Variants in IQCM observed in about 807,000 individuals in gnomAD.
The protein encoded by IQCM is IQ motif containing M, also known as IQ domain-containing protein M.
IQCM carries 45 observed loss-of-function variants against 57.6 expected under a neutral mutation model. The ratio of observed to expected loss-of-function variants is 0.78; its 90% CI spans 0.62 to 1.00. The LOEUF is 1.00. Ranked by LOEUF, IQCM falls within the 50% of genes least tolerant of loss-of-function variation. The pLI, the probability that IQCM is intolerant of heterozygous loss-of-function variation, is 0.00. For missense variants in IQCM, 468 were observed against 511.6 expected (o/e 0.91, Z 0.82); for synonymous variants, 148 against 158.9 (o/e 0.93, Z 0.51).
At chr4:149,377,785 T>C (rs563540025) in intron 13 of IQCM, among the ~76,000 whole-genome samples, 2 of 152,192 alleles carry the variant, frequency 1.3e-5, no homozygotes, top group East Asian at 3.9e-4. Flanking sequence ...AAATCAGCCA[T>C]ATTGGGAGTA....
intron 13 of IQCM, among the ~76,000 whole-genome samples, chr4:149,374,749 G>A (rs1654200679): frequency 6.6e-6 from 1 of 152,080 alleles, no homozygotes; most frequent in Non-Finnish European, 1.5e-5. Flanking sequence ...CCCAACTCCT[G>A]CCAACCTTGA....
intron 7 of IQCM, among the ~76,000 whole-genome samples, chr4:149,664,840 G>A (rs746416053): frequency 9.9e-5 from 15 of 152,126 alleles, no homozygotes; most frequent in Non-Finnish European, 2.1e-4. Context: ...CACTGTTCTG[G>A]TTTTCAAGCT....
intron 12 of IQCM, among the ~76,000 whole-genome samples, chr4:149,522,880 T>C (rs1745796592): frequency 6.6e-6 from 1 of 152,182 alleles, no homozygotes; most frequent in Admixed American, 6.6e-5. Flanking sequence ...CCTGGTAAAA[T>C]TCCTGAACCC....
intron 12 of IQCM, among the ~76,000 whole-genome samples, chr4:149,514,210 G>C (rs1007821798): frequency 1.3e-5 from 2 of 152,184 alleles, no homozygotes; most frequent in African/African-American, 4.8e-5. Context: ...GCTAGGGTTA[G>C]AGTCAGGAAT....
intron 12 of IQCM, among the ~76,000 whole-genome samples, chr4:149,508,299 G>C (rs1051016793): frequency 1.3e-5 from 2 of 152,004 alleles, no homozygotes; most frequent in South Asian, 2.1e-4. Context: ...CAGAATGGTA[G>C]ATCAACTGAT....
chr4:149,805,811 G>A (rs759369392), intron 2 of IQCM, among the ~76,000 whole-genome samples: 26 of 151,980 alleles, frequency 1.7e-4, no homozygotes, highest in Non-Finnish European at 3.1e-4. Context: ...TTCTTGGACT[G>A]AAATTAAAGC....
At chr4:149,468,621 G>C (rs535616259) in intron 12 of IQCM, among the ~76,000 whole-genome samples, 246 of 152,284 alleles carry the variant, frequency 1.6e-3, no homozygotes, top group African/African-American at 5.7e-3. Flanking sequence ...GCTTTGAAGA[G>C]AGTAGTGGTT....
chr4:149,688,299 C>T (rs1435361766), intron 5 of IQCM, among the ~76,000 whole-genome samples: 3 of 151,966 alleles, frequency 2.0e-5, no homozygotes, highest in African/African-American at 4.8e-5. Context: ...CTCTTCCATA[C>T]ACCAACAGTG....
At chr4:149,573,137 A>G (rs949264401) in intron 9 of IQCM, among the ~76,000 whole-genome samples, 5 of 151,802 alleles carry the variant, frequency 3.3e-5, no homozygotes, top group Admixed American at 6.6e-5. Context: ...AAGATTATGT[A>G]ATAATTTGAG....
rs565475866 is a variant in IQCM at position 149,790,830 on chromosome 4, AT to A, written c.-49+24480del. Among the ~76,000 whole-genome samples the A allele has an allele frequency of 3.2e-3, 472 of 149,370 alleles. 5 individuals carry two copies. Among genetic ancestry groups the A allele is most frequent in the African/African-American group, 9.2e-3 (375 of 40,816 alleles). On this transcript the variant is annotated intron_variant, in intron 2 of 13. Coordinates refer to ENST00000636793, the MANE Select transcript of IQCM (RefSeq NM_001363507.2). Reference sequence around the variant, plus strand: ...TGGGGTTTCAGAATGGGTTTATATGATTTTTTTTTTGGTACTTTTATTTATT... The same window carrying A: ...TGGGGTTTCAGAATGGGTTTATATGATTTTTTTTTGGTACTTTTATTTATT...
chr4:149,743,439 G>A (rs986417845), intron 2 of IQCM, among the ~76,000 whole-genome samples: 1 of 152,072 alleles, frequency 6.6e-6, no homozygotes, highest in African/African-American at 2.4e-5. Context: ...TAAAAACACA[G>A]AGTGATCGAT....
At chr4:149,575,638 G>T (rs1189275169) in intron 9 of IQCM, among the ~76,000 whole-genome samples, 2 of 151,678 alleles carry the variant, frequency 1.3e-5, no homozygotes, top group Non-Finnish European at 2.9e-5. Flanking sequence ...TCCTATTTTT[G>T]ACTGTTTCTA....
At chr4:149,634,615 A>C (rs570654253) in intron 7 of IQCM, among the ~76,000 whole-genome samples, 15 of 152,216 alleles carry the variant, frequency 9.9e-5, no homozygotes, top group Non-Finnish European at 1.8e-4. Context: ...TGACATTTTC[A>C]CTTTCATTCT....
chr4:149,386,336 A>G (rs1731424265), intron 13 of IQCM, among the ~76,000 whole-genome samples: 1 of 152,064 alleles, frequency 6.6e-6, no homozygotes, highest in Non-Finnish European at 1.5e-5. Flanking sequence ...ATTATTTTTC[A>G]AACACAAAGT....
At chr4:149,590,163 T>A (rs1026256825) in intron 8 of IQCM, among the ~76,000 whole-genome samples, 1 of 151,774 alleles carries the variant, frequency 6.6e-6, no homozygotes, top group African/African-American at 2.4e-5. Flanking sequence ...TTCTATTTTC[T>A]CTCTTCCAAC....
chr4:149,803,285 ATATAT>A (rs1351249908), intron 2 of IQCM, among the ~76,000 whole-genome samples: 1 of 152,006 alleles, frequency 6.6e-6, no homozygotes, highest in Non-Finnish European at 1.5e-5. Flanking sequence ...TTCCCATGTA[ATATAT>A]TATATAATGG....
chr4:149,532,027 A>G (rs185348124), intron 12 of IQCM, among the ~76,000 whole-genome samples: 2 of 152,160 alleles, frequency 1.3e-5, no homozygotes, highest in Non-Finnish European at 2.9e-5. Flanking sequence ...CTATCACCTC[A>G]TGTATCTGAA....
chr4:149,626,066 T>G lies in IQCM; in HGVS notation c.566-4822A>C, dbSNP rs183983832. Reference sequence around the variant, plus strand: ...GGATACAAAGTATTGATGCTGGGTGTGTCTGTGAGGGTGTTGCCAAAAGAG... The same window carrying G: ...GGATACAAAGTATTGATGCTGGGTGGGTCTGTGAGGGTGTTGCCAAAAGAG... On this transcript the variant is annotated intron_variant, in intron 7 of 13. Coordinates refer to ENST00000636793, the MANE Select transcript of IQCM (RefSeq NM_001363507.2). 3.3e-3 allele frequency among the ~76,000 whole-genome samples: 509 copies of G among 152,178 alleles called. 3 individuals carry two copies. Among genetic ancestry groups the G allele is most frequent in the African/African-American group, 0.012 (480 of 41,514 alleles).
At chr4:149,577,947 T>C (rs1001273322) in intron 9 of IQCM, among the ~76,000 whole-genome samples, 2 of 151,864 alleles carry the variant, frequency 1.3e-5, no homozygotes, top group African/African-American at 4.8e-5. Flanking sequence ...ACCTCCCTGG[T>C]TAGGTGTATT....
Sources: gnomAD v4.1 joint callset for allele counts (sites outside exome capture counted in the v4.1 genomes callset) on GRCh38, gnomAD v4.1.1 for gene constraint, MANE v1.5 for transcripts, NCBI Gene and HGNC (gene_info 2026-07-23, HGNC 2026-07-21) for gene names.